Variants in CAMKK1 observed in about 807,000 individuals in gnomAD.
CAMKK1 encodes the protein calcium/calmodulin-dependent protein kinase kinase 1.
A neutral mutation model predicts 63.5 loss-of-function variants in CAMKK1; 20 were observed. The ratio of observed to expected loss-of-function variants is 0.32; its 90% CI spans 0.22 to 0.46. CAMKK1 has a LOEUF of 0.46. CAMKK1 is among the 20% of genes least tolerant of loss of function. CAMKK1 has a pLI of 1.00. For missense variants in CAMKK1, 588 were observed against 658.1 expected (o/e 0.89, Z 1.17); for synonymous variants, 253 against 269.0 (o/e 0.94, Z 0.58).
intron 14 of CAMKK1, among the ~76,000 whole-genome samples, chr17:3,869,151 G>A (rs1307709660): frequency 1.3e-5 from 2 of 150,692 alleles, no homozygotes; most frequent in African/African-American, 2.4e-5. Context: ...TATATTTTTA[G>A]TAGAGTCGGG....
chr17:3,882,585 T>C lies in CAMKK1; in HGVS notation c.649-21A>G. ...AGGACCTGGTCAGAGGGAGCAGACATGGGGGTGGGGCTTGAGGAGGCGTGG... is the reference window on the plus strand; with the variant it reads ...AGGACCTGGTCAGAGGGAGCAGACACGGGGGTGGGGCTTGAGGAGGCGTGG... On this transcript the variant is annotated intron_variant, in intron 6 of 15. Transcript: ENST00000348335. This position sits in a 1 kb window ranked among gnomAD's most constrained non-coding sequence, Gnocchi z 4.3. 6.3e-7 allele frequency: 1 copy of C among 1,586,988 alleles called. No homozygotes were observed. The highest frequency in any genetic ancestry group is 8.6e-7 in the Non-Finnish European group (1 of 1,166,672).
intron 12 of CAMKK1, among the ~76,000 whole-genome samples, chr17:3,871,210 C>A (rs1322118026): frequency 6.6e-6 from 1 of 151,978 alleles, no homozygotes; most frequent in African/African-American, 2.4e-5. Flanking sequence ...GGCAACAAGG[C>A]CCAGAGACAG....
At position 3,876,390 on chromosome 17, in the gene CAMKK1, T is replaced by G. The variant is rs1314961441; in HGVS notation, c.829A>C (p.Lys277Gln). 3 of 1,614,220 alleles carry G rather than the reference T, an allele frequency of 1.9e-6. No homozygotes were observed. The highest frequency in any genetic ancestry group is 2.5e-6 in the Non-Finnish European group (3 of 1,180,022). ...TCCCCCAGGAGCAGGTTGGATGGCT[T>G]GATGTCCCTGTGGACGATCTTCTGG... is the stretch of plus-strand genomic sequence containing the variant. ...HCQKIVHRDIKPSNLLLGDDG... is the reference protein window; with the variant it reads ...HCQKIVHRDIQPSNLLLGDDG... The change falls in exon 10 of 16, where the codon AAG becomes CAG. Residue 277 changes from lysine (K) to glutamine (Q), a missense_variant. By Grantham distance (53) the Lys-to-Gln change is moderately conservative. Coordinates refer to ENST00000348335, the MANE Select transcript of CAMKK1 (RefSeq NM_032294.3).
At chr17:3,872,652 G>C (rs749654150) in intron 11 of CAMKK1, 25 bp from the exon 12 acceptor site, 5 of 1,604,680 alleles carry the variant, frequency 3.1e-6, no homozygotes, top group South Asian at 1.1e-5. Flanking sequence ...GGCAGACAAA[G>C]GATGTGGGTC....
At chr17:3,869,944 T>C in intron 12 of CAMKK1, 56 bp from the exon 13 acceptor site, 2 of 1,388,736 alleles carry the variant, frequency 1.4e-6, no homozygotes, top group South Asian at 1.2e-5. Context: ...GACCCCTTCC[T>C]GTCCACCTCT....
intron 12 of CAMKK1, among the ~76,000 whole-genome samples, chr17:3,872,238 TTGAGTCCAGGGGCTGG>T (rs1394812095): frequency 1.3e-5 from 2 of 152,230 alleles, no homozygotes; most frequent in East Asian, 3.9e-4. Context: ...GAAGTTCCCC[TTGAGTCCAGGGGCTGG>T]GTGGGGCTGG....
At chr17:3,872,883 C>T (rs185518656) in intron 11 of CAMKK1, among the ~76,000 whole-genome samples, 2 of 152,192 alleles carry the variant, frequency 1.3e-5, no homozygotes, top group African/African-American at 4.8e-5. Context: ...GCTGGGTGCA[C>T]CCACCACCAT....
Position 3,882,516 on chromosome 17 carries a change from C to T in CAMKK1, c.685+12G>A, listed in dbSNP as rs1257614886. ...TGAGTGAGCTGCTGTGGGAATGAGC[C>T]AGGTCACTCACCCAAATAGAGGTTG... On this transcript the variant is annotated intron_variant, in intron 7 of 15. Coordinates refer to ENST00000348335, the MANE Select transcript of CAMKK1 (RefSeq NM_032294.3). The surrounding 1 kb of genome is among the most constrained non-coding windows in gnomAD (Gnocchi z 4.3). 5.6e-6 allele frequency: 9 copies of T among 1,595,486 alleles called. No individual in the cohort carries two copies. Among genetic ancestry groups the T allele is most frequent in the Admixed American group, 5.3e-5 (3 of 56,730 alleles).
chr17:3,871,876 C>T (rs1426614214), intron 12 of CAMKK1, among the ~76,000 whole-genome samples: 3 of 151,326 alleles, frequency 2.0e-5, no homozygotes, highest in Non-Finnish European at 4.4e-5. Context: ...TAACTCCTAA[C>T]CTCAGGTGAT....
rs764361353 is a variant in CAMKK1, at chr17:3,882,539, T to C, written c.674A>G (p.Asn225Ser). 1.3e-5 allele frequency: 20 copies of C among 1,595,074 alleles called. No homozygotes were observed. Among genetic ancestry groups the C allele is most frequent in the Admixed American group, 3.5e-5 (2 of 56,996 alleles). The stretch of plus-strand genomic sequence containing the variant: ...GCCAGGTCACTCACCCAAATAGAGG[T>C]TGTCCTCAGCTGGGTCATCCAGGAC... ...IEVLDDPAED[N>S]LYLVFDLLRK... is the part of the protein sequence containing the mutation. Residue 225 changes from asparagine to serine, a missense_variant, in exon 7 of 16, where the codon AAC (asparagine) becomes AGC (serine). Transcript: ENST00000348335. The surrounding 1 kb of genome is among the most constrained non-coding windows in gnomAD (Gnocchi z 4.3).
At chr17:3,878,219 C>G (rs1415873107) in intron 9 of CAMKK1, among the ~76,000 whole-genome samples, 1 of 152,230 alleles carries the variant, frequency 6.6e-6, no homozygotes, top group Non-Finnish European at 1.5e-5. Context: ...ACCGAGCCCT[C>G]TCATGGCAGC....
Position 3,884,267 on chromosome 17 carries a change from TCCA to T in CAMKK1, c.408+110_408+112del. The stretch of plus-strand genomic sequence containing the variant: ...CACAGGGCACGAAACTGTCCTCACC[TCCA>T]GGCTAGGACTTGCCTGGCTCTGCCT... On this transcript the variant is annotated intron_variant, in intron 3 of 15. Coordinates refer to ENST00000348335, the MANE Select transcript of CAMKK1 (RefSeq NM_032294.3). This position sits in a 1 kb window ranked among gnomAD's most constrained non-coding sequence, Gnocchi z 4.5. 1 of 1,198,876 alleles carries T rather than the reference TCCA, an allele frequency of 8.3e-7. No individual in the cohort carries two copies. Among genetic ancestry groups the T allele is most frequent in the Non-Finnish European group, 1.2e-6 (1 of 816,670 alleles). 74.3% of individuals were successfully genotyped at this position (1,198,876 alleles called of 1,614,324 possible). A position where few individuals can be genotyped will look rare whatever the true frequency, so the allele number is the denominator to read the frequency against.
chr17:3,868,096 G>C (rs1361195872), intron 14 of CAMKK1, among the ~76,000 whole-genome samples: 4 of 92,220 alleles, frequency 4.3e-5, no homozygotes, highest in Non-Finnish European at 8.5e-5. Context: ...TGGGCTCTGG[G>C]GGAGAAGCAG....
Position 3,887,869 on chromosome 17 carries a change from G to A in CAMKK1, c.-43-2139C>T, listed in dbSNP as rs1597491655. Among the ~76,000 whole-genome samples the A allele has an allele frequency of 6.6e-6, 1 of 151,926 alleles. No homozygotes were observed. Among genetic ancestry groups the A allele is most frequent in the South Asian group, 2.1e-4 (1 of 4,806 alleles). On this transcript the variant is annotated intron_variant, in intron 1 of 15. Coordinates refer to ENST00000348335, the MANE Select transcript of CAMKK1 (RefSeq NM_032294.3). The surrounding 1 kb of genome is among the most constrained non-coding windows in gnomAD (Gnocchi z 6.1). Reference sequence around the variant, plus strand: ...CTCCCAGCAGGTGGCCCACCCCTCCGCCCCTTCCCCTCACTCCGCATGCCT... The same window carrying A: ...CTCCCAGCAGGTGGCCCACCCCTCCACCCCTTCCCCTCACTCCGCATGCCT...
At position 3,884,549 on chromosome 17, in the gene CAMKK1, A is replaced by C; in HGVS notation, c.361-122T>G. The C allele has an allele frequency of 1.1e-6, 1 of 870,900 alleles. No homozygotes were observed. The highest frequency in any genetic ancestry group is 1.7e-6 in the Non-Finnish European group (1 of 575,072). The allele number at this position is 870,900 out of a possible 1,614,324, so 53.9% of individuals were successfully genotyped here. On this transcript the variant is annotated intron_variant, in intron 2 of 15. Transcript: ENST00000348335. This position sits in a 1 kb window ranked among gnomAD's most constrained non-coding sequence, Gnocchi z 4.5. The stretch of plus-strand genomic sequence containing the variant: ...CCTCATTCCCGGACCCCCAGGTCTC[A>C]CCAAGCTTTTGAGTTTGGATGGGGA...
At chr17:3,867,268 G>C (rs2143789425) in intron 14 of CAMKK1, among the ~76,000 whole-genome samples, 1 of 152,200 alleles carries the variant, frequency 6.6e-6, no homozygotes, top group East Asian at 1.9e-4. Flanking sequence ...GGACTCCCCG[G>C]GCAGAGGGAA....
rs2055935113 is a variant in CAMKK1 at position 3,892,406 on chromosome 17, G to C, written c.-44+533C>G. 6.6e-6 allele frequency among the ~76,000 whole-genome samples: 1 copy of C among 151,826 alleles called. No individual in the cohort carries two copies. Among genetic ancestry groups the C allele is most frequent in the Admixed American group, 6.6e-5 (1 of 15,256 alleles). ...ACCAGCCCTGCGCCTCCCGGGCCCC[G>C]AAGCCGCAGCGCCCGCCTCTGCCGC... is the stretch of plus-strand genomic sequence containing the variant. On this transcript the variant is annotated intron_variant, in intron 1 of 15. Coordinates refer to ENST00000348335, the MANE Select transcript of CAMKK1 (RefSeq NM_032294.3). The surrounding 1 kb of genome is among the most constrained non-coding windows in gnomAD (Gnocchi z 7.5).
Position 3,862,299 on chromosome 17 carries a change from C to G in CAMKK1, c.1446-16G>C. ...CCCTTCTTTCCTGTTCAGGGGACAC[C>G]AGGGACAGAGGGACCTCAGGGTCAG... is the stretch of plus-strand genomic sequence containing the variant. On this transcript the variant is annotated splice_polypyrimidine_tract_variant and intron_variant, in intron 15 of 15. Coordinates refer to ENST00000348335, the MANE Select transcript of CAMKK1 (RefSeq NM_032294.3). This position sits in a 1 kb window ranked among gnomAD's most constrained non-coding sequence, Gnocchi z 4.1. 6.4e-7 allele frequency: 1 copy of G among 1,565,740 alleles called. No individual in the cohort carries two copies. Among genetic ancestry groups the G allele is most frequent in the Non-Finnish European group, 8.7e-7 (1 of 1,153,150 alleles).
At chr17:3,878,035 G>A (rs2143851099) in intron 9 of CAMKK1, among the ~76,000 whole-genome samples, 1 of 152,216 alleles carries the variant, frequency 6.6e-6, no homozygotes. Flanking sequence ...TTCTGTGAAA[G>A]GCCAAAAACT....
Sources: gnomAD v4.1 joint callset for allele counts (sites outside exome capture counted in the v4.1 genomes callset) on GRCh38, gnomAD v4.1.1 for gene constraint, Gnocchi (gnomAD v3.1) non-coding constraint, MANE v1.5 for transcripts, NCBI Gene and HGNC (gene_info 2026-07-23, HGNC 2026-07-21) for gene names.